KCNU1: variants seen among roughly 807,000 people sequenced by gnomAD.
The protein encoded by KCNU1 is potassium channel subfamily U member 1.
A neutral mutation model predicts 126.8 loss-of-function variants in KCNU1; 93 were observed. The ratio of observed to expected loss-of-function variants is 0.73; its 90% CI spans 0.62 to 0.87. The LOEUF (loss-of-function observed/expected upper bound fraction) is 0.87, where lower values mean the gene tolerates loss of function less well. Among genes scored for constraint, KCNU1 ranks in the 40% least tolerant of loss-of-function variants. The probability of loss-of-function intolerance (pLI) is 0.00; values close to 1 mark genes in which losing one functional copy is unlikely to be tolerated. For missense variants in KCNU1, 1,330 were observed against 1,367.1 expected, an observed-to-expected ratio of 0.97 and a Z score of 0.43; for synonymous variants, 523 against 494.2, an observed-to-expected ratio of 1.06 and a Z score of -0.77.
At chr8:36,818,702 A>G (rs1804012178) in intron 10 of KCNU1, among the ~76,000 whole-genome samples, 1 of 152,206 alleles carries the variant, frequency 6.6e-6, no homozygotes, top group South Asian at 2.1e-4. Context: ...GATCTTACGT[A>G]GGATTGTATG....
At chr8:36,862,444 T>C (rs374493630) in intron 18 of KCNU1, among the ~76,000 whole-genome samples, 4 of 152,280 alleles carry the variant, frequency 2.6e-5, no homozygotes, top group Admixed American at 6.5e-5. Context: ...ATTAGAATTA[T>C]AGAATTTAGA....
chr8:36,903,791 T>C (rs1421782183), intron 19 of KCNU1, among the ~76,000 whole-genome samples: 1 of 152,126 alleles, frequency 6.6e-6, no homozygotes, highest in African/African-American at 2.4e-5. Context: ...TCAAGAAGCT[T>C]ACCATCGTGG....
At chr8:36,880,023 G>A (rs545821974) in intron 19 of KCNU1, among the ~76,000 whole-genome samples, 2 of 152,310 alleles carry the variant, frequency 1.3e-5, no homozygotes, top group South Asian at 2.1e-4. Flanking sequence ...ATGTATGAGA[G>A]TGAATATACA....
chr8:36,909,434 A>G lies in KCNU1; in HGVS notation c.2230A>G (p.Thr744Ala). The change falls in exon 21 of 27, where the codon ACC becomes GCC. Residue 744 changes from threonine (T) to alanine (A), a missense_variant. Physicochemically the swap from Thr to Ala is moderately conservative, Grantham distance 58 (BLOSUM62 0). Around this residue, in one of 3 missense-constraint regions of KCNU1, gnomAD observed 1,054 missense variants for 1,053.9 expected, o/e 1.00. Coordinates refer to ENST00000399881, the MANE Select transcript of KCNU1 (RefSeq NM_001031836.3). The part of the protein sequence containing the change: ...FVMPLRASNY[T>A]RKELKDIVFI... ...AATGCCCTTGAGAGCCAGCAACTAT[A>G]CCAGGAAGGAGCTGAAGGACATAGT... is the stretch of plus-strand genomic sequence containing the variant. The G allele has an allele frequency of 1.9e-6, 3 of 1,613,218 alleles. No individual in the cohort carries two copies. The highest frequency in any genetic ancestry group is 2.5e-6 in the Non-Finnish European group (3 of 1,179,190).
rs1054232284 is a variant in KCNU1, at chr8:36,825,943, A to G, written c.1107-7611A>G. Among the ~76,000 whole-genome samples the G allele has an allele frequency of 2.0e-5, 3 of 152,102 alleles. No homozygotes were observed. In the South Asian group the frequency reaches 6.2e-4, roughly 31 times the overall value. On this transcript the variant is annotated intron_variant, in intron 10 of 26. Coordinates refer to ENST00000399881, the MANE Select transcript of KCNU1 (RefSeq NM_001031836.3). Reference sequence around the variant, plus strand: ...GAAAGAGCTATCTTTTTCAAAGGTCATACATTTTACTTAATATGGTTGTAT... The same window carrying G: ...GAAAGAGCTATCTTTTTCAAAGGTCGTACATTTTACTTAATATGGTTGTAT...
At position 36,846,927 on chromosome 8, in the gene KCNU1, G is replaced by A. The variant is rs78271872; in HGVS notation, c.1891+1028G>A. The stretch of plus-strand genomic sequence containing the variant: ...GTCTATTTTCATCCCTGAGGTTCTT[G>A]TTCTCTCCTTCTTCTCAGAATGCTA... On this transcript the variant is annotated intron_variant, in intron 18 of 26. Coordinates refer to ENST00000399881, the MANE Select transcript of KCNU1 (RefSeq NM_001031836.3). Among the ~76,000 whole-genome samples the A allele has an allele frequency of 6.1e-4, 92 of 152,022 alleles. 1 individual carries two copies. In the East Asian group the frequency reaches 0.016, roughly 26 times the overall value.
Position 36,930,866 on chromosome 8 carries a change from C to T in KCNU1, c.2737-85C>T, listed in dbSNP as rs141807244. On this transcript the variant is annotated intron_variant, in intron 24 of 26. Coordinates refer to ENST00000399881, the MANE Select transcript of KCNU1 (RefSeq NM_001031836.3). ...ATCAGGTCCATGTTAAACAGCAATGCCCACTAAATCTCCAAGCCTTTACCC... is the reference window on the plus strand; with the variant it reads ...ATCAGGTCCATGTTAAACAGCAATGTCCACTAAATCTCCAAGCCTTTACCC... 281 of 833,396 alleles carry T rather than the reference C, an allele frequency of 3.4e-4. No homozygotes were observed. The East Asian group carries it at 7.1e-3, about 21-fold the overall frequency. The allele number at this position is 833,396 out of a possible 1,614,324, so 51.6% of individuals were successfully genotyped here.
intron 18 of KCNU1, among the ~76,000 whole-genome samples, chr8:36,848,778 A>G (rs192295289): frequency 1.4e-3 from 206 of 152,130 alleles, no homozygotes; most frequent in Non-Finnish European, 2.3e-3. Flanking sequence ...AATCCATATG[A>G]AAAGGGAAGC....
chr8:36,903,405 G>A (rs1051649663), intron 19 of KCNU1, among the ~76,000 whole-genome samples: 6 of 152,098 alleles, frequency 3.9e-5, no homozygotes, highest in Admixed American at 1.3e-4. Flanking sequence ...GAGTAAAATC[G>A]CATGGGAGAA....
chr8:36,888,738 C>T (rs1300077691), intron 19 of KCNU1: 2 of 534,230 alleles, frequency 3.7e-6, no homozygotes, highest in South Asian at 1.4e-5. Context: ...ACAAAAGAAG[C>T]CTACAAGAAG....
chr8:36,802,992 A>T (rs576435576), intron 2 of KCNU1, among the ~76,000 whole-genome samples: 2 of 152,282 alleles, frequency 1.3e-5, no homozygotes, highest in African/African-American at 4.8e-5. Context: ...GAAAGTAAAC[A>T]TTAAAGACCT....
At chr8:36,807,503 G>A (rs1480941063) in intron 6 of KCNU1, 53 bp downstream of exon 6, 20 of 1,302,820 alleles carry the variant, frequency 1.5e-5, no homozygotes, top group Non-Finnish European at 2.1e-5. Flanking sequence ...ATTAGAAAAT[G>A]AATGTATTAA....
intron 19 of KCNU1, among the ~76,000 whole-genome samples, chr8:36,870,453 C>T (rs900062748): frequency 3.9e-5 from 6 of 152,144 alleles, no homozygotes; most frequent in Non-Finnish European, 8.8e-5. Context: ...CAGTTCTGTA[C>T]ACTTTATCGA....
intron 16 of KCNU1, among the ~76,000 whole-genome samples, chr8:36,844,397 A>T (rs936970402): frequency 9.2e-5 from 9 of 97,686 alleles, no homozygotes; most frequent in Non-Finnish European, 2.2e-4. Context: ...AAACAAAAAA[A>T]AAAGGCTATG....
intron 26 of KCNU1, 67 bp from the exon 27 acceptor site, chr8:36,935,448 G>A: frequency 7.8e-7 from 1 of 1,285,780 alleles, no homozygotes; most frequent in East Asian, 2.3e-5. Flanking sequence ...TCTTTATTTG[G>A]GTCACTGCCT....
At chr8:36,836,667 T>TCA (rs1804760335) in intron 13 of KCNU1, 126 bp from the exon 14 acceptor site, 2 of 853,230 alleles carry the variant, frequency 2.3e-6, no homozygotes, top group African/African-American at 3.4e-5. Context: ...GGGCACCACT[T>TCA]TTGTGTGCAA....
At chr8:36,796,834 T>G (rs1207003515) in intron 2 of KCNU1, among the ~76,000 whole-genome samples, 3 of 152,210 alleles carry the variant, frequency 2.0e-5, no homozygotes, top group Non-Finnish European at 4.4e-5. Context: ...AAAAATACAT[T>G]TATTTTTTAA....
At chr8:36,878,250 A>G (rs926398039) in intron 19 of KCNU1, among the ~76,000 whole-genome samples, 4 of 152,180 alleles carry the variant, frequency 2.6e-5, no homozygotes, top group Non-Finnish European at 2.9e-5. Flanking sequence ...CTGATAAGGA[A>G]TTTCAGATCA....
chr8:36,894,025 T>C (rs1359523571), intron 19 of KCNU1, among the ~76,000 whole-genome samples: 1 of 152,130 alleles, frequency 6.6e-6, no homozygotes, highest in African/African-American at 2.4e-5. Context: ...GTTAGAAATA[T>C]AGATAATTCA....
Sources: allele counts gnomAD v4.1 joint callset (sites outside exome capture counted in the v4.1 genomes callset), GRCh38; gene constraint gnomAD v4.1.1; regional missense constraint gnomAD v4.1.1; transcripts MANE v1.5; gene names NCBI Gene and HGNC (gene_info 2026-07-23, HGNC 2026-07-21).